Variants in ADGRE2 observed in about 807,000 individuals in gnomAD.
ADGRE2 encodes adhesion G protein-coupled receptor E2.
Under a neutral mutation model 100.8 loss-of-function variants are expected in ADGRE2, and 83 were observed. That is an observed-to-expected ratio of 0.82 (90% CI 0.69 to 0.99). The LOEUF is 0.99. Among genes scored for constraint, ADGRE2 ranks in the 50% least tolerant of loss-of-function variants. The pLI, the probability that ADGRE2 is intolerant of heterozygous loss-of-function variation, is 0.00. For synonymous variants in ADGRE2, 355 were observed against 413.0 expected (o/e 0.86, Z 1.70); for missense variants, 814 against 1,035.7 (o/e 0.79, Z 2.94).
At chr19:14,770,053 C>T (rs951854712) in intron 5 of ADGRE2, among the ~76,000 whole-genome samples, 4 of 152,156 alleles carry the variant, frequency 2.6e-5, no homozygotes, top group African/African-American at 9.7e-5. Flanking sequence ...ACAAACACCA[C>T]CTGTGCATGC....
chr19:14,726,702 T>G, the ADGRE2 span, among the ~76,000 whole-genome samples: 1 of 152,200 alleles, frequency 6.6e-6, no homozygotes, highest in Non-Finnish European at 1.5e-5. Flanking sequence ...GACGCAATGC[T>G]GCCAGGTCCT....
chr19:14,743,419 C>T lies in ADGRE2; in HGVS notation c.2463+1G>A, dbSNP rs141741521. ...TGCTCTGGAGCAATGCGTGATCTTA[C>T]CGTGCTGGGTTTGGAGGTGTCAGCC... On this transcript the variant is annotated splice_donor_variant, in intron 20 of 20. Coordinates refer to ENST00000315576, the MANE Select transcript of ADGRE2 (RefSeq NM_013447.4). LOFTEE classifies it high-confidence loss of function. The T allele has an allele frequency of 3.7e-4, 603 of 1,613,328 alleles. No homozygotes were observed. The highest frequency in any genetic ancestry group is 4.9e-4 in the Non-Finnish European group (583 of 1,179,392).
rs150544869 is a variant in ADGRE2, at chr19:14,764,565, G to A, written c.952C>T (p.Leu318=). The A allele has an allele frequency of 5.0e-6, 8 of 1,612,688 alleles. No homozygotes were observed. The highest frequency in any genetic ancestry group is 1.1e-5 in the South Asian group (1 of 91,080). ...TGCTGTAAGCGGGGCAGGGTCTCCA[G>A]GTCCCCAGGGGCCTCCAGCAGCTCA... The part of the protein sequence containing the change: ...LDELLEAPGD[L]ETLPRLQQHC... The change falls in exon 11 of 21, where the codon CTG becomes TTG. Residue 318 remains leucine, a synonymous_variant. Transcript: ENST00000315576.
intron 5 of ADGRE2, among the ~76,000 whole-genome samples, chr19:14,769,693 T>A (rs2044123578): frequency 6.6e-6 from 1 of 152,084 alleles, no homozygotes; most frequent in Non-Finnish European, 1.5e-5. Flanking sequence ...TCTTCTCTTC[T>A]CTCCTTTTCT....
At chr19:14,761,708 C>T (rs1173212745) in intron 11 of ADGRE2, among the ~76,000 whole-genome samples, 1 of 152,166 alleles carries the variant, frequency 6.6e-6, no homozygotes, top group East Asian at 1.9e-4. Context: ...GCTCCATCTT[C>T]CCATCTCTTT....
intron 20 of ADGRE2, among the ~76,000 whole-genome samples, chr19:14,740,125 A>G (rs2042884884): frequency 6.7e-6 from 1 of 150,048 alleles, no homozygotes; most frequent in Admixed American, 6.6e-5. Flanking sequence ...AAGAGGATGG[A>G]CAGTCAATAA....
chr19:14,724,764 C>T, the ADGRE2 span, among the ~76,000 whole-genome samples: 1 of 152,130 alleles, frequency 6.6e-6, no homozygotes, highest in African/African-American at 2.4e-5. Flanking sequence ...GAAATTTTGT[C>T]TCAAAAAGAA....
chr19:14,749,820 CAT>C (rs2043226888), intron 16 of ADGRE2, among the ~76,000 whole-genome samples: 1 of 55,686 alleles, frequency 1.8e-5, no homozygotes, highest in East Asian at 6.8e-4. Flanking sequence ...TGTAATTATT[CAT>C]AGTTACATAA....
chr19:14,757,947 T>A (rs995910564), intron 11 of ADGRE2, among the ~76,000 whole-genome samples: 11 of 152,162 alleles, frequency 7.2e-5, no homozygotes, highest in African/African-American at 2.4e-4. Context: ...AGGATTACAG[T>A]CATGTGCCAA....
chr19:14,776,992 A>ACACG (rs1300051877), intron 1 of ADGRE2, 65 bp from the exon 2 acceptor site: 1 of 1,359,352 alleles, frequency 7.4e-7, no homozygotes, highest in Non-Finnish European at 9.5e-7. Context: ...ACACACACAC[A>ACACG]CACACACACA....
intron 17 of ADGRE2, 52 bp from the exon 18 acceptor site, chr19:14,746,375 C>CGT: frequency 1.3e-6 from 1 of 777,282 alleles, no homozygotes; most frequent in Non-Finnish European, 2.1e-6. Context: ...CCTGTTATCT[C>CGT]TTTTTTTTTT....
chr19:14,727,560 C>T (rs2042641804), downstream of ADGRE2, among the ~76,000 whole-genome samples: 1 of 152,160 alleles, frequency 6.6e-6, no homozygotes, highest in South Asian at 2.1e-4. Context: ...TGACTTACAG[C>T]AAAGGGATTA....
At chr19:14,774,408 G>A in intron 2 of ADGRE2, 102 bp from the exon 3 acceptor site, 1 of 1,514,524 alleles carries the variant, frequency 6.6e-7, no homozygotes, top group South Asian at 1.2e-5. Flanking sequence ...CCCCTCTCAG[G>A]CTCAGATCCT....
Position 14,761,414 on chromosome 19 carries a change from GACA to G in ADGRE2, c.1084+3016_1084+3018del, listed in dbSNP as rs370415786. ...GAGCAAGACTCTGTCTCCAACAGAAGACAACAACAACAACAATCACAACAAGCT... is the reference window on the plus strand; with the variant it reads ...GAGCAAGACTCTGTCTCCAACAGAAGACAACAACAACAATCACAACAAGCT... On this transcript the variant is annotated intron_variant, in intron 11 of 20. Transcript: ENST00000315576. Among the ~76,000 whole-genome samples, 730 of 151,648 alleles carry G rather than the reference GACA, an allele frequency of 4.8e-3. 6 individuals carry two copies. Among genetic ancestry groups the G allele is most frequent in the African/African-American group, 0.017 (683 of 41,222 alleles).
chr19:14,777,188 T>G, intron 1 of ADGRE2: 2 of 705,790 alleles, frequency 2.8e-6, no homozygotes, highest in Non-Finnish European at 3.5e-6. Context: ...CACTTGGCTC[T>G]TCCCTGGGCA....
intron 18 of ADGRE2, among the ~76,000 whole-genome samples, chr19:14,744,005 C>A (rs1234532119): frequency 1.3e-5 from 2 of 152,068 alleles, no homozygotes; most frequent in Non-Finnish European, 2.9e-5. Flanking sequence ...TTTGGGGGGC[C>A]AAGGCAGGCA....
intron 5 of ADGRE2, among the ~76,000 whole-genome samples, chr19:14,770,989 C>A (rs1250887128): frequency 2.0e-5 from 3 of 152,048 alleles, no homozygotes; most frequent in Non-Finnish European, 4.4e-5. Context: ...CCGGAGAGTC[C>A]TTTTTCTAAT....
chr19:14,754,370 T>C (rs2030820737), intron 14 of ADGRE2, among the ~76,000 whole-genome samples: 1 of 151,486 alleles, frequency 6.6e-6, no homozygotes, highest in Admixed American at 6.6e-5. Flanking sequence ...GAAAGGCAGA[T>C]CCACTCTTAA....
intron 20 of ADGRE2, among the ~76,000 whole-genome samples, chr19:14,742,884 G>A (rs1717718176): frequency 6.6e-6 from 1 of 151,956 alleles, no homozygotes; most frequent in Admixed American, 6.6e-5. Context: ...TTGTGTGTGA[G>A]AGTCAAACTA....
Sources: gnomAD v4.1 joint callset for allele counts (sites outside exome capture counted in the v4.1 genomes callset) on GRCh38, gnomAD v4.1.1 for gene constraint, MANE v1.5 for transcripts, NCBI Gene and HGNC (gene_info 2026-07-23, HGNC 2026-07-21) for gene names.